Variants in CHAF1A observed in about 807,000 individuals in gnomAD.
The protein encoded by CHAF1A is chromatin assembly factor 1 subunit A.
Under a neutral mutation model 93.2 loss-of-function variants are expected in CHAF1A, and 5 were observed. The observed-to-expected ratio is 0.05, with a 90% CI of 0.03 to 0.11. The LOEUF (loss-of-function observed/expected upper bound fraction) is 0.11. Ranked by LOEUF, CHAF1A falls within the 10% of genes least tolerant of loss-of-function variation. The probability of loss-of-function intolerance (pLI) is 1.00; values close to 1 mark genes in which losing one functional copy is unlikely to be tolerated. For synonymous variants in CHAF1A, 504 were observed against 510.3 expected, an observed-to-expected ratio of 0.99 and a Z score of 0.17; for missense variants, 1,102 against 1,259.9, an observed-to-expected ratio of 0.87 and a Z score of 1.90.
In CHAF1A at chr19:4,412,421, G is replaced by A. The variant is rs981872047; in HGVS notation, c.960+2662G>A. ...TAGCTGGGTATGGTGACGCTTGCCT[G>A]TAATCCCAGCTACGCCGGAGGCTGA... On this transcript the variant is annotated intron_variant, in intron 3 of 14. Transcript: ENST00000301280. Among the ~76,000 whole-genome samples the A allele has an allele frequency of 3.9e-5, 6 of 152,188 alleles. No homozygotes were observed. In the East Asian group the frequency reaches 7.7e-4, roughly 20 times the overall value.
downstream of CHAF1A, chr19:4,449,643 G>A (rs930778485): frequency 1.3e-5 from 2 of 152,338 alleles, no homozygotes; most frequent in Non-Finnish European, 2.9e-5. Flanking sequence ...TTGGGCGACT[G>A]GCTGCCAGGC....
At chr19:4,447,604 C>T, downstream of CHAF1A, 2 of 1,613,934 alleles carry the variant, frequency 1.2e-6, no homozygotes, top group Non-Finnish European at 1.7e-6. Flanking sequence ...CCTCGGGGTG[C>T]AGGTGGATGT....
At chr19:4,446,446 C>T (rs370002824), downstream of CHAF1A, 85 of 1,579,910 alleles carry the variant, frequency 5.4e-5, no homozygotes, top group Admixed American at 5.5e-4. Context: ...GAGGGCTGGC[C>T]GGGGTTCTTC....
chr19:4,417,101 A>G (rs897237850), intron 3 of CHAF1A, among the ~76,000 whole-genome samples: 5 of 152,160 alleles, frequency 3.3e-5, no homozygotes, highest in African/African-American at 1.2e-4. Flanking sequence ...ACTCCTGGGT[A>G]GCTAGGACTA....
In CHAF1A at chr19:4,422,049, A is replaced by C. The variant is rs1973999401; in HGVS notation, c.1018-517A>C. ...TTATTAAATGGAGTCTCACTCTGTC[A>C]CTGATGCTGGAGTGCAGTGGCACCG... On this transcript the variant is annotated intron_variant, in intron 4 of 14. Coordinates refer to ENST00000301280, the MANE Select transcript of CHAF1A (RefSeq NM_005483.3). The surrounding 1 kb of genome is among the most constrained non-coding windows in gnomAD (Gnocchi z 4.6). 6.7e-6 allele frequency among the ~76,000 whole-genome samples: 1 copy of C among 148,922 alleles called. No homozygotes were observed. The highest frequency in any genetic ancestry group is 2.5e-5 in the African/African-American group (1 of 40,230).
At chr19:4,414,611 G>A (rs1249225270) in intron 3 of CHAF1A, among the ~76,000 whole-genome samples, 1 of 152,128 alleles carries the variant, frequency 6.6e-6, no homozygotes, top group Non-Finnish European at 1.5e-5. Flanking sequence ...TGTCTTAGAT[G>A]TTTTTTATAT....
At chr19:4,437,277 G>A (rs1599663049) in intron 13 of CHAF1A, among the ~76,000 whole-genome samples, 1 of 152,192 alleles carries the variant, frequency 6.6e-6, no homozygotes, top group South Asian at 2.1e-4. Context: ...GAGCTTGTGT[G>A]GGGAGGGGCA....
intron 3 of CHAF1A, among the ~76,000 whole-genome samples, chr19:4,411,408 T>C (rs1033174171): frequency 6.6e-6 from 1 of 152,084 alleles, no homozygotes; most frequent in Non-Finnish European, 1.5e-5. Context: ...TTTTGTATTT[T>C]TAGTAGAGAC....
At chr19:4,411,802 C>T (rs571638734) in intron 3 of CHAF1A, among the ~76,000 whole-genome samples, 8 of 151,724 alleles carry the variant, frequency 5.3e-5, no homozygotes, top group Non-Finnish European at 1.0e-4. Flanking sequence ...TGCCCACCAC[C>T]ACGCCTGGCT....
intron 3 of CHAF1A, among the ~76,000 whole-genome samples, chr19:4,415,160 A>G (rs1973876454): frequency 1.3e-5 from 2 of 151,986 alleles, no homozygotes; most frequent in African/African-American, 4.8e-5. Context: ...AGAATGTGGG[A>G]GTGTTGCATA....
chr19:4,430,573 G>A lies in CHAF1A; in HGVS notation c.1879G>A (p.Asp627Asn). ...GGATGATGATGACGACATGGGAGAG[G>A]ATGAAGATGAGGACGATGGTTTCTT... is the stretch of plus-strand genomic sequence containing the variant. The part of the protein sequence containing the change: ...EGDDDDDMGE[D>N]EDEDDGFFVP... Residue 627 changes from aspartate (D) to asparagine (N), a missense_variant, in exon 11 of 15, where the codon GAT becomes AAT. Transcript: ENST00000301280. 6.2e-7 allele frequency: 1 copy of A among 1,610,286 alleles called. No homozygotes were observed.
At position 4,443,056 on chromosome 19, in the gene CHAF1A, G is replaced by A. The variant is rs976144536; in HGVS notation, c.*31G>A. 1.5e-6 allele frequency: 2 copies of A among 1,364,746 alleles called. No individual in the cohort carries two copies. Among genetic ancestry groups the A allele is most frequent in the Non-Finnish European group, 1.0e-6 (1 of 973,728 alleles). The allele number at this position is 1,364,746 out of a possible 1,614,324, so 84.5% of individuals were successfully genotyped here. On this transcript the variant is annotated 3_prime_UTR_variant, in exon 15 of 15. Coordinates refer to ENST00000301280, the MANE Select transcript of CHAF1A (RefSeq NM_005483.3). ...GGGGTGACGTATGTAGAATGCTTAG[G>A]GTGTCCTCCCCACAGAGCAGATACT...
chr19:4,441,885 G>A (rs923884523), intron 13 of CHAF1A, among the ~76,000 whole-genome samples: 6 of 152,284 alleles, frequency 3.9e-5, no homozygotes, highest in Admixed American at 3.9e-4. Flanking sequence ...GCAACAGAGC[G>A]AGACTCCGTC....
At chr19:4,450,094 G>T in the CHAF1A span, 1 of 151,872 alleles carries the variant, frequency 6.6e-6, no homozygotes, top group African/African-American at 2.4e-5. Context: ...GTGTGGTGGC[G>T]TGCACCTGTA....
At chr19:4,444,236 CAG>C (rs1974453900), downstream of CHAF1A, among the ~76,000 whole-genome samples, 1 of 152,168 alleles carries the variant, frequency 6.6e-6, no homozygotes, top group East Asian at 1.9e-4. Flanking sequence ...AATGCAAGGT[CAG>C]GGGCACGAGC....
At chr19:4,446,952 C>G (rs200531988), downstream of CHAF1A, 36 of 1,606,894 alleles carry the variant, frequency 2.2e-5, no homozygotes, top group East Asian at 8.1e-4. Flanking sequence ...ACTGGGGGCC[C>G]CTGGCTTCCT....
At chr19:4,447,219 C>T (rs985128096), downstream of CHAF1A, 2 of 576,118 alleles carry the variant, frequency 3.5e-6, no homozygotes, top group East Asian at 5.8e-5. Context: ...GACCCCAGTC[C>T]CTGCCCTTTC....
rs778880559 is a variant in CHAF1A, at chr19:4,409,189, T to C, written c.390T>C (p.Leu130=). ...TEDSNEQPDS[L]VDHNKLNSEA... Reference sequence around the variant, plus strand: ...ACTCGAATGAGCAGCCAGACAGTCTTGTGGACCACAATAAACTAAATTCTG... The same window carrying C: ...ACTCGAATGAGCAGCCAGACAGTCTCGTGGACCACAATAAACTAAATTCTG... Residue 130 remains leucine, a synonymous_variant, in exon 3 of 15, where the codon CTT becomes CTC. Coordinates refer to ENST00000301280, the MANE Select transcript of CHAF1A (RefSeq NM_005483.3). 1.9e-6 allele frequency: 3 copies of C among 1,614,186 alleles called. No homozygotes were observed. The highest frequency in any genetic ancestry group is 4.5e-5 in the East Asian group (2 of 44,882).
chr19:4,446,473 A>G, downstream of CHAF1A: 4 of 1,594,532 alleles, frequency 2.5e-6, no homozygotes, highest in Non-Finnish European at 3.4e-6. Context: ...GCCCCGCCCC[A>G]CTCTGCTCCG....
Sources: gnomAD v4.1 joint callset for allele counts (sites outside exome capture counted in the v4.1 genomes callset) on GRCh38, gnomAD v4.1.1 for gene constraint, Gnocchi (gnomAD v3.1) non-coding constraint, MANE v1.5 for transcripts, NCBI Gene and HGNC (gene_info 2026-07-23, HGNC 2026-07-21) for gene names.